THBS4: variants seen among roughly 807,000 people sequenced by gnomAD.
THBS4 encodes thrombospondin 4.
In THBS4, 90 loss-of-function variants were observed where a neutral mutation model predicts 115.7. That is an observed-to-expected ratio of 0.78 (90% CI 0.66 to 0.93). THBS4 has a LOEUF of 0.93. Among genes scored for constraint, THBS4 ranks in the 40% least tolerant of loss-of-function variants. THBS4 has a pLI of 0.00. For missense variants in THBS4, 1,087 were observed against 1,232.7 expected (o/e 0.88, Z 1.77); for synonymous variants, 460 against 479.3 (o/e 0.96, Z 0.53).
At chr5:79,994,828 A>C (rs1831758955) in intron 1 of THBS4, among the ~76,000 whole-genome samples, 1 of 152,240 alleles carries the variant, frequency 6.6e-6, no homozygotes, top group South Asian at 2.1e-4. Flanking sequence ...ATTTGAACTA[A>C]CTAGAGACTA....
intron 2 of THBS4, among the ~76,000 whole-genome samples, chr5:80,040,701 GT>G (rs1470866229): frequency 1.3e-5 from 2 of 152,196 alleles, no homozygotes; most frequent in African/African-American, 4.8e-5. Context: ...TAAGATCATG[GT>G]GCCATCTCAG....
intron 8 of THBS4, among the ~76,000 whole-genome samples, chr5:80,064,240 T>C (rs566641367): frequency 6.6e-6 from 1 of 152,218 alleles, no homozygotes; most frequent in East Asian, 1.9e-4. Flanking sequence ...AAATCTGTTA[T>C]ACATATAATG....
In THBS4 at chr5:80,061,723, T is replaced by C. The variant is rs1460955023; in HGVS notation, c.1016T>C (p.Val339Ala). The change falls in exon 8 of 22, where the codon GTG becomes GCG. Residue 339 changes from valine to alanine, a missense_variant. Coordinates refer to ENST00000350881, the MANE Select transcript of THBS4 (RefSeq NM_003248.6). ...ECKYHPCYPG[V>A]HCINLSPGFR... ...AAATACCATCCCTGCTACCCGGGCGTGCACTGCATAAATTTGTCTCCTGGC... is the reference window on the plus strand; with the variant it reads ...AAATACCATCCCTGCTACCCGGGCGCGCACTGCATAAATTTGTCTCCTGGC... The C allele has an allele frequency of 1.2e-6, 2 of 1,614,178 alleles. No individual in the cohort carries two copies. The highest frequency in any genetic ancestry group is 1.7e-5 in the Admixed American group (1 of 60,022).
chr5:80,080,178 A>G, intron 20 of THBS4, 101 bp downstream of exon 20: 1 of 1,373,524 alleles, frequency 7.3e-7, no homozygotes, highest in Non-Finnish European at 9.9e-7. Flanking sequence ...GACCTAGGAT[A>G]GTCCCCAAGG....
intron 2 of THBS4, among the ~76,000 whole-genome samples, chr5:80,013,616 G>T (rs1832190052): frequency 6.6e-6 from 1 of 152,076 alleles, no homozygotes. Flanking sequence ...CCTGCCCAGG[G>T]TATATTTGCA....
At chr5:80,038,240 ATGT>A (rs1832779819) in intron 1 of THBS4, among the ~76,000 whole-genome samples, 1 of 152,286 alleles carries the variant, frequency 6.6e-6, no homozygotes, top group Admixed American at 6.5e-5. Context: ...TAACATTAAC[ATGT>A]TGTTGTATTG....
intron 2 of THBS4, among the ~76,000 whole-genome samples, chr5:80,047,214 T>C (rs1833095545): frequency 6.6e-6 from 1 of 152,176 alleles, no homozygotes; most frequent in African/African-American, 2.4e-5. Context: ...AGTGCATACA[T>C]ATGGCCAGGT....
intron 2 of THBS4, among the ~76,000 whole-genome samples, chr5:80,043,614 GT>G (rs1832972728): frequency 6.6e-6 from 1 of 152,146 alleles, no homozygotes. Context: ...ATGAAGGAGG[GT>G]GACTACACAG....
At chr5:80,070,162 TA>T in intron 10 of THBS4, 143 bp from the exon 11 acceptor site, 1 of 606,708 alleles carries the variant, frequency 1.6e-6, no homozygotes, top group Non-Finnish European at 2.9e-6. Flanking sequence ...TGCAATTAAA[TA>T]GTTTCTAAGC....
chr5:80,055,746 C>T (rs1335217551), intron 2 of THBS4, 39 bp from the exon 3 acceptor site: 5 of 1,586,116 alleles, frequency 3.2e-6, no homozygotes, highest in Admixed American at 1.7e-5. Context: ...CCCCCTCTGC[C>T]ACTTATCACA....
chr5:80,031,014 C>T (rs1344779172), upstream of THBS4, among the ~76,000 whole-genome samples: 1 of 152,158 alleles, frequency 6.6e-6, no homozygotes, highest in Non-Finnish European at 1.5e-5. Flanking sequence ...CTATAGTCAC[C>T]GCACAGGAGC....
intron 3 of THBS4, 129 bp downstream of exon 3, chr5:80,056,161 C>A (rs1283279881): frequency 3.4e-6 from 4 of 1,175,358 alleles, no homozygotes; most frequent in Non-Finnish European, 3.5e-6. Context: ...ATCAGAATCA[C>A]CTGCGGAGCT....
chr5:80,040,846 TCA>T (rs1323208845), intron 2 of THBS4, among the ~76,000 whole-genome samples: 1 of 152,170 alleles, frequency 6.6e-6, no homozygotes, highest in Non-Finnish European at 1.5e-5. Context: ...CTTTCTTGTG[TCA>T]CAACGTGGTG....
chr5:80,066,284 A>G (rs77497693), intron 9 of THBS4: 73 of 152,342 alleles, frequency 4.8e-4, no homozygotes, highest in African/African-American at 1.6e-3. Flanking sequence ...GATTACGTGT[A>G]TGACTATTTG....
intron 2 of THBS4, among the ~76,000 whole-genome samples, chr5:80,041,326 C>G (rs955126620): frequency 2.0e-5 from 3 of 152,154 alleles, no homozygotes; most frequent in African/African-American, 7.2e-5. Context: ...CTAATCATCT[C>G]CCAAAAGCCC....
chr5:80,045,613 C>A (rs1183909362), intron 2 of THBS4, among the ~76,000 whole-genome samples: 1 of 151,366 alleles, frequency 6.6e-6, no homozygotes, highest in African/African-American at 2.4e-5. Flanking sequence ...TCACTGCAAC[C>A]TCCGCCTCCC....
chr5:79,998,658 G>A lies in THBS4; in HGVS notation n.177+231G>A, dbSNP rs187714554. Among the ~76,000 whole-genome samples, 131 of 152,244 alleles carry A rather than the reference G, an allele frequency of 8.6e-4. 3 individuals carry two copies. In the East Asian group the frequency reaches 0.024, roughly 28 times the overall value. On this transcript the variant is annotated intron_variant and non_coding_transcript_variant, in intron 2 of 3. Coordinates refer to the THBS4 transcript ENST00000510218. ...ATAGTTACAGTAGATGTTACAATTGGGGGAAACATCCCTGTACATTTATTT... is the reference window on the plus strand; with the variant it reads ...ATAGTTACAGTAGATGTTACAATTGAGGGAAACATCCCTGTACATTTATTT...
intron 2 of THBS4, among the ~76,000 whole-genome samples, chr5:80,022,932 C>G (rs1832406557): frequency 1.3e-5 from 2 of 152,068 alleles, no homozygotes; most frequent in African/African-American, 4.8e-5. Flanking sequence ...TGAGGATGGT[C>G]CACTCCCCTT....
intron 8 of THBS4, among the ~76,000 whole-genome samples, chr5:80,062,539 T>A (rs372611102): frequency 1.3e-5 from 2 of 152,352 alleles, no homozygotes; most frequent in Admixed American, 6.5e-5. Context: ...ATGATTTTTT[T>A]AAGTTATTGT....
Sources: gnomAD v4.1 joint callset for allele counts (sites outside exome capture counted in the v4.1 genomes callset) on GRCh38, gnomAD v4.1.1 for gene constraint, MANE v1.5 for transcripts, NCBI Gene and HGNC (gene_info 2026-07-23, HGNC 2026-07-21) for gene names.